Variants in GPX5 observed in about 807,000 individuals in gnomAD.
GPX5 encodes the protein epididymal secretory glutathione peroxidase.
GPX5 carries 20 observed loss-of-function variants against 23.8 expected under a neutral mutation model. That is an observed-to-expected ratio of 0.84 (90% CI 0.59 to 1.22). The LOEUF is 1.22. Ranked by LOEUF, GPX5 falls within the 50% of genes most tolerant of loss-of-function variation. The probability of loss-of-function intolerance (pLI) is 0.00; values close to 1 mark genes in which losing one functional copy is unlikely to be tolerated. For missense variants in GPX5, 230 were observed against 266.6 expected, an observed-to-expected ratio of 0.86 and a Z score of 0.96; for synonymous variants, 92 against 99.5, an observed-to-expected ratio of 0.92 and a Z score of 0.45.
intron 4 of GPX5, 57 bp downstream of exon 4, chr6:28,532,477 T>C (rs931047979): frequency 1.7e-6 from 2 of 1,157,028 alleles, no homozygotes; most frequent in African/African-American, 3.2e-5. Context: ...TAACATAGAG[T>C]TGGTGTGGCA....
At chr6:28,526,146 C>A in intron 1 of GPX5, 46 bp downstream of exon 1, 2 of 1,350,380 alleles carry the variant, frequency 1.5e-6, no homozygotes, top group Non-Finnish European at 2.1e-6. Context: ...TTCTGTCCTA[C>A]TTCTAGACCC....
At chr6:28,533,456 C>G (rs1390362886) in intron 4 of GPX5, among the ~76,000 whole-genome samples, 1 of 152,204 alleles carries the variant, frequency 6.6e-6, no homozygotes, top group Non-Finnish European at 1.5e-5. Flanking sequence ...ACTTATAGGA[C>G]TTCCCTTTAT....
chr6:28,526,721 A>G (rs1763216113), intron 1 of GPX5, among the ~76,000 whole-genome samples: 1 of 152,158 alleles, frequency 6.6e-6, no homozygotes, highest in Admixed American at 6.5e-5. Context: ...GCAGTTTAGG[A>G]AAGGATAATA....
At position 28,529,456 on chromosome 6, in the gene GPX5, T is replaced by G; in HGVS notation, c.93T>G (p.Asp31Glu). 1 of 1,604,868 alleles carries G rather than the reference T, an allele frequency of 6.2e-7. No individual in the cohort carries two copies. Among genetic ancestry groups the G allele is most frequent in the East Asian group, 2.2e-5 (1 of 44,672 alleles). ...TSPKQEKMKM[D>E]CHKDEKGTIY... Reference sequence around the variant, plus strand: ...ACTTAAAAAAAATCTTCCAGATGGATTGCCACAAAGACGAGAAAGGCACCA... The same window carrying G: ...ACTTAAAAAAAATCTTCCAGATGGAGTGCCACAAAGACGAGAAAGGCACCA... Residue 31 changes from aspartate (D) to glutamate (E), a missense_variant, in exon 2 of 5, where the codon GAT (aspartate) becomes GAG (glutamate). Asp to Glu is a conservative substitution (Grantham distance 45). Transcript: ENST00000412168.
chr6:28,532,209 C>A, intron 3 of GPX5, 112 bp from the exon 4 acceptor site: 1 of 712,230 alleles, frequency 1.4e-6, no homozygotes, highest in Non-Finnish European at 2.4e-6. Flanking sequence ...TCCCCACCCA[C>A]AACGATACTT....
chr6:28,528,184 G>A (rs1763243072), intron 1 of GPX5: 1 of 152,170 alleles, frequency 6.6e-6, no homozygotes, highest in African/African-American at 2.4e-5. Context: ...CAAAAGCTGG[G>A]ATTTCAGAGT....
chr6:28,528,436 A>G (rs1004938830), intron 1 of GPX5: 4 of 152,038 alleles, frequency 2.6e-5, no homozygotes, highest in African/African-American at 9.7e-5. Context: ...TGTTCTTTCT[A>G]CTCTACCTGC....
chr6:28,533,849 G>T, intron 4 of GPX5, 112 bp from the exon 5 acceptor site: 1 of 596,712 alleles, frequency 1.7e-6, no homozygotes, highest in Admixed American at 2.8e-5. Context: ...GGAATATCAG[G>T]AAGTTAAAAT....
chr6:28,529,423 G>C (rs868156901), intron 1 of GPX5, 28 bp from the exon 2 acceptor site: 2 of 1,580,816 alleles, frequency 1.3e-6, no homozygotes, highest in Non-Finnish European at 1.7e-6. Flanking sequence ...ATTGTTACCA[G>C]TATTATCACT....
Position 28,534,136 on chromosome 6 carries a change from T to A in GPX5, c.635T>A (p.Leu212Gln). Residue 212 changes from leucine to glutamine, a missense_variant, in exon 5 of 5, where the codon CTG (leucine) becomes CAG (glutamine). Transcript: ENST00000412168. Reference protein sequence around the residue: ...ATVSSVKTDILAYLKQFKTK With the variant: ...ATVSSVKTDIQAYLKQFKTK ...GTCAGCTCAGTCAAGACAGACATCC[T>A]GGCGTACTTGAAGCAATTCAAAACC... 6.2e-7 allele frequency: 1 copy of A among 1,602,736 alleles called. No individual in the cohort carries two copies. Among genetic ancestry groups the A allele is most frequent in the Non-Finnish European group, 8.5e-7 (1 of 1,175,242 alleles).
intron 2 of GPX5, 102 bp from the exon 3 acceptor site, chr6:28,531,676 G>A: frequency 2.7e-6 from 2 of 736,384 alleles, no homozygotes; most frequent in South Asian, 1.7e-5. Flanking sequence ...TCCCTCCCTG[G>A]GCCTCTGTTT....
Position 28,525,974 on chromosome 6 carries a change from G to A in GPX5, c.-40G>A. The A allele has an allele frequency of 6.9e-7, 1 of 1,456,844 alleles. No homozygotes were observed. The highest frequency in any genetic ancestry group is 9.6e-7 in the Non-Finnish European group (1 of 1,038,390). 90.2% of individuals were successfully genotyped at this position (1,456,844 alleles called of 1,614,324 possible). ...CCAAAAGACTGCAGAGGTGGGCAAA[G>A]ACCTCAGGCCCCCAGACTAGCAATC... is the stretch of plus-strand genomic sequence containing the variant. On this transcript the variant is annotated 5_prime_UTR_variant, in exon 1 of 5. Transcript: ENST00000412168.
At chr6:28,532,772 G>T (rs1763352244) in intron 4 of GPX5, among the ~76,000 whole-genome samples, 2 of 152,126 alleles carry the variant, frequency 1.3e-5, no homozygotes, top group Admixed American at 6.6e-5. Flanking sequence ...GATGAATAAG[G>T]CATAGTCTGT....
In GPX5 at chr6:28,525,981, G is replaced by A; in HGVS notation, c.-33G>A. Reference sequence around the variant, plus strand: ...ACTGCAGAGGTGGGCAAAGACCTCAGGCCCCCAGACTAGCAATCTACAAAC... The same window carrying A: ...ACTGCAGAGGTGGGCAAAGACCTCAAGCCCCCAGACTAGCAATCTACAAAC... On this transcript the variant is annotated 5_prime_UTR_variant, in exon 1 of 5. Coordinates refer to ENST00000412168, the MANE Select transcript of GPX5 (RefSeq NM_001509.3). 1 of 1,517,488 alleles carries A rather than the reference G, an allele frequency of 6.6e-7. No homozygotes were observed. Among genetic ancestry groups the A allele is most frequent in the South Asian group, 1.1e-5 (1 of 89,080 alleles). 94.0% of individuals were successfully genotyped at this position (1,517,488 alleles called of 1,614,324 possible).
At chr6:28,528,885 C>A (rs1763260737) in intron 1 of GPX5, among the ~76,000 whole-genome samples, 10 of 114,664 alleles carry the variant, frequency 8.7e-5, no homozygotes, top group South Asian at 3.1e-4. Flanking sequence ...ATATATGGTA[C>A]AAGAGATGTT....
chr6:28,532,849 C>G (rs1763353553), intron 4 of GPX5, among the ~76,000 whole-genome samples: 1 of 152,188 alleles, frequency 6.6e-6, no homozygotes, highest in African/African-American at 2.4e-5. Context: ...GGTGGTGGTT[C>G]ATGCCTATAA....
chr6:28,532,427 A>T lies in GPX5; in HGVS notation c.459+7A>T. On this transcript the variant is annotated splice_region_variant and intron_variant, in intron 4 of 4. Transcript: ENST00000412168. ...AGTCTTCAGTTTCTTGAAGGTGAGT[A>T]AATTCCTGGCATAAGCCTCCTCCTC... 1 of 1,533,108 alleles carries T rather than the reference A, an allele frequency of 6.5e-7. No homozygotes were observed. The highest frequency in any genetic ancestry group is 8.9e-7 in the Non-Finnish European group (1 of 1,121,950). The allele number at this position is 1,533,108 out of a possible 1,614,324, so 95.0% of individuals were successfully genotyped here.
chr6:28,526,076 A>C lies in GPX5; in HGVS notation c.63A>C (p.Thr21=). 1 of 1,612,986 alleles carries C rather than the reference A, an allele frequency of 6.2e-7. No individual in the cohort carries two copies. Among genetic ancestry groups the C allele is most frequent in the Non-Finnish European group, 8.5e-7 (1 of 1,179,900 alleles). The stretch of plus-strand genomic sequence containing the variant: ...TTCTCCTAGCCTGCTTTGTGCAAAC[A>C]AGTCCCAAGCAGGAGAAGATGAAGG... The part of the protein sequence containing the change: ...LPLLLACFVQ[T]SPKQEKMKMD... Residue 21 remains threonine (T), a synonymous_variant, in exon 1 of 5, where the codon ACA becomes ACC. Coordinates refer to ENST00000412168, the MANE Select transcript of GPX5 (RefSeq NM_001509.3).
chr6:28,534,195 C>G lies in GPX5; in HGVS notation c.*28C>G. Reference sequence around the variant, plus strand: ...AGGTGGAGTTAAGGGCAGGAGCAACCCTACTTCTCACCTAATGACTTGCTC... The same window carrying G: ...AGGTGGAGTTAAGGGCAGGAGCAACGCTACTTCTCACCTAATGACTTGCTC... On this transcript the variant is annotated 3_prime_UTR_variant, in exon 5 of 5. Coordinates refer to ENST00000412168, the MANE Select transcript of GPX5 (RefSeq NM_001509.3). The G allele has an allele frequency of 6.7e-7, 1 of 1,492,614 alleles. No homozygotes were observed. The highest frequency in any genetic ancestry group is 9.0e-7 in the Non-Finnish European group (1 of 1,109,110). 92.5% of individuals were successfully genotyped at this position (1,492,614 alleles called of 1,614,324 possible).
Sources: allele counts gnomAD v4.1 joint callset (sites outside exome capture counted in the v4.1 genomes callset), GRCh38; gene constraint gnomAD v4.1.1; transcripts MANE v1.5; gene names NCBI Gene and HGNC (gene_info 2026-07-23, HGNC 2026-07-21).